GCNT1: variants seen among roughly 807,000 people sequenced by gnomAD.
The protein encoded by GCNT1 is beta-1,3-galactosyl-O-glycosyl-glycoprotein beta-1,6-N-acetylglucosaminyltransferase.
In GCNT1, 16 loss-of-function variants were observed where a neutral mutation model predicts 26.2. The observed-to-expected ratio is 0.61, with a 90% CI of 0.41 to 0.93. The LOEUF is 0.93. Among genes scored for constraint, GCNT1 ranks in the 40% least tolerant of loss-of-function variants. The pLI, the probability that GCNT1 is intolerant of heterozygous loss-of-function variation, is 0.00. For missense variants in GCNT1, 477 were observed against 526.7 expected (o/e 0.91, Z 0.92); for synonymous variants, 183 against 190.8 (o/e 0.96, Z 0.34).
intron 1 of GCNT1, among the ~76,000 whole-genome samples, chr9:76,430,261 ATGACTT>A (rs1315632113): frequency 6.6e-6 from 1 of 152,192 alleles, no homozygotes; most frequent in African/African-American, 2.4e-5. Context: ...TTGGTATTAC[ATGACTT>A]TTAAATTTTT....
intron 2 of GCNT1, among the ~76,000 whole-genome samples, chr9:76,495,008 A>G (rs1022958125): frequency 6.6e-6 from 1 of 152,166 alleles, no homozygotes; most frequent in Admixed American, 6.5e-5. Flanking sequence ...AGAAAACCTG[A>G]CACCCGTATC....
chr9:76,451,696 A>G (rs1301105121), intron 1 of GCNT1, among the ~76,000 whole-genome samples: 2 of 152,192 alleles, frequency 1.3e-5, no homozygotes, highest in African/African-American at 4.8e-5. Context: ...CTGACACTCA[A>G]TTTTGGACTT....
At chr9:76,474,072 C>T (rs1824201710) in intron 2 of GCNT1, among the ~76,000 whole-genome samples, 1 of 152,138 alleles carries the variant, frequency 6.6e-6, no homozygotes, top group South Asian at 2.1e-4. Flanking sequence ...TGCACTCTAG[C>T]TTGGGTAACA....
the GCNT1 span, among the ~76,000 whole-genome samples, chr9:76,400,636 C>CCT: frequency 6.6e-6 from 1 of 152,180 alleles, no homozygotes; most frequent in African/African-American, 2.4e-5. Flanking sequence ...TTTACCAATT[C>CCT]CTCTAACTCA....
At chr9:76,444,830 CA>C (rs1382736735) in intron 1 of GCNT1, among the ~76,000 whole-genome samples, 6 of 152,326 alleles carry the variant, frequency 3.9e-5, no homozygotes, top group African/African-American at 7.2e-5. Flanking sequence ...GCGACAACCA[CA>C]GCACCTTCTT....
Position 76,497,077 on chromosome 9 carries a change from T to C in GCNT1, c.-289-3839T>C, listed in dbSNP as rs1338392340. On this transcript the variant is annotated intron_variant, in intron 2 of 3. Transcript: ENST00000376730. ...AGAATGTTTCTTACTCTTCTGTAGT[T>C]GTCCTCACTGGCAAATCCCACCAGA... Among the ~76,000 whole-genome samples the C allele has an allele frequency of 3.9e-5, 6 of 152,330 alleles. No homozygotes were observed. The East Asian group carries it at 1.2e-3, about 29-fold the overall frequency.
chr9:76,489,474 G>A (rs889997044), intron 2 of GCNT1, among the ~76,000 whole-genome samples: 38 of 152,174 alleles, frequency 2.5e-4, no homozygotes, highest in African/African-American at 4.8e-4. Context: ...AGACCCCAGC[G>A]GGTTGCCACT....
the GCNT1 span, among the ~76,000 whole-genome samples, chr9:76,404,062 T>C: frequency 1.3e-5 from 2 of 152,238 alleles, no homozygotes; most frequent in East Asian, 1.9e-4. Flanking sequence ...CAGGATTTAC[T>C]GATAGTGAAA....
chr9:76,478,688 T>A (rs1379525470), intron 2 of GCNT1, among the ~76,000 whole-genome samples: 1 of 152,232 alleles, frequency 6.6e-6, no homozygotes, highest in Non-Finnish European at 1.5e-5. Context: ...GACCAAATAC[T>A]GATCCGTTGT....
chr9:76,407,713 GACATCTTA>G, the GCNT1 span, among the ~76,000 whole-genome samples: 50 of 152,152 alleles, frequency 3.3e-4, no homozygotes, highest in African/African-American at 1.2e-3. Flanking sequence ...GAGAAGAACG[GACATCTTA>G]ACAATATTGA....
rs762727367 is a variant in GCNT1 at position 76,503,485 on chromosome 9, C to A, written c.1104C>A (p.Pro368=). The stretch of plus-strand genomic sequence containing the variant: ...AGGGTGATGTTTCCAAGGGTGCTCC[C>A]TACCCGCCCTGCGATGGAGTCCATG... The part of the protein sequence containing the change: ...YFEGDVSKGA[P]YPPCDGVHVR... Residue 368 remains proline (P), a synonymous_variant, in exon 4 of 4, where the codon CCC becomes CCA. Transcript: ENST00000376730. 6.2e-7 allele frequency: 1 copy of A among 1,614,154 alleles called. No homozygotes were observed. Among genetic ancestry groups the A allele is most frequent in the South Asian group, 1.1e-5 (1 of 91,086 alleles).
chr9:76,456,761 GTGGGAGTTCAAACCC>G (rs1823763804), upstream of GCNT1, among the ~76,000 whole-genome samples: 1 of 152,128 alleles, frequency 6.6e-6, no homozygotes, highest in Non-Finnish European at 1.5e-5. Context: ...TCGCTTGAGC[GTGGGAGTTCAAACCC>G]AGCCTGGGCA....
chr9:76,460,601 G>C (rs113715062), intron 2 of GCNT1, among the ~76,000 whole-genome samples: 3 of 152,340 alleles, frequency 2.0e-5, no homozygotes, highest in African/African-American at 7.2e-5. Context: ...TTCAGTTCTA[G>C]CAGGGAGGAA....
intron 2 of GCNT1, among the ~76,000 whole-genome samples, chr9:76,479,040 A>T (rs535105573): frequency 7.9e-4 from 119 of 149,688 alleles, no homozygotes; most frequent in Non-Finnish European, 1.5e-3. Context: ...CTGGTGTGTG[A>T]TGTCCCCCTT....
In GCNT1 at chr9:76,480,343, T is replaced by G. The variant is rs183146250; in HGVS notation, c.-290+20166T>G. 8.3e-3 allele frequency among the ~76,000 whole-genome samples: 1,262 copies of G among 152,232 alleles called. 3 individuals are homozygous for G. Among genetic ancestry groups the G allele is most frequent in the Non-Finnish European group, 0.015 (1,023 of 68,008 alleles). ...GGATTGACTTGGCAATGCGGGCTCT[T>G]TTTTGGTTCCATATGAACTTTAAAG... On this transcript the variant is annotated intron_variant, in intron 2 of 3. Transcript: ENST00000376730.
intron 1 of GCNT1, among the ~76,000 whole-genome samples, chr9:76,421,836 C>T (rs2131571186): frequency 6.6e-6 from 1 of 151,724 alleles, no homozygotes; most frequent in Middle Eastern, 3.4e-3. Flanking sequence ...TGGGACTACA[C>T]ATGCAAGCCA....
chr9:76,419,011 G>C (rs997650419), upstream of GCNT1, among the ~76,000 whole-genome samples: 2 of 152,188 alleles, frequency 1.3e-5, no homozygotes, highest in African/African-American at 4.8e-5. Flanking sequence ...GTTAGTGGAG[G>C]CTGGAGGGGG....
upstream of GCNT1, among the ~76,000 whole-genome samples, chr9:76,436,738 G>A (rs35242716): frequency 0.2 from 30,364 of 151,972 alleles, 3,216 homozygotes; most frequent in African/African-American, 0.24. Context: ...GGAATTAATA[G>A]GAGCAACCTA....
upstream of GCNT1, among the ~76,000 whole-genome samples, chr9:76,416,920 T>A (rs1051318252): frequency 6.6e-6 from 1 of 151,832 alleles, no homozygotes; most frequent in African/African-American, 2.4e-5. Context: ...ATTAGCTGGG[T>A]GTGGTGGTGG....
Sources: gnomAD v4.1 joint callset for allele counts (sites outside exome capture counted in the v4.1 genomes callset) on GRCh38, gnomAD v4.1.1 for gene constraint, MANE v1.5 for transcripts, NCBI Gene and HGNC (gene_info 2026-07-23, HGNC 2026-07-21) for gene names.